Variants in NCAPG2 observed in about 807,000 individuals in gnomAD.
NCAPG2 encodes the protein non-SMC condensin II complex subunit G2, also known as condensin-2 complex subunit G2.
In NCAPG2, 53 loss-of-function variants were observed where a neutral mutation model predicts 141.1. The observed-to-expected ratio is 0.38, with a 90% CI of 0.30 to 0.47. The LOEUF is 0.47. Ranked by LOEUF, NCAPG2 falls within the 20% of genes least tolerant of loss-of-function variation. The probability of loss-of-function intolerance (pLI) is 0.99; values close to 1 mark genes in which losing one functional copy is unlikely to be tolerated. For missense variants in NCAPG2, 1,087 were observed against 1,389.0 expected, an observed-to-expected ratio of 0.78 and a Z score of 3.46; for synonymous variants, 499 against 490.7, an observed-to-expected ratio of 1.02 and a Z score of -0.22.
At chr7:158,641,190 C>T in intron 27 of NCAPG2, 1 of 273,008 alleles carries the variant, frequency 3.7e-6, no homozygotes, top group Non-Finnish European at 6.7e-6. Context: ...TCAGTTAAAA[C>T]CACAAAAGAC....
intron 23 of NCAPG2, 104 bp from the exon 24 acceptor site, chr7:158,651,076 C>T: frequency 8.3e-7 from 1 of 1,211,810 alleles, no homozygotes; most frequent in Non-Finnish European, 1.1e-6. Flanking sequence ...TCCCCCAGGA[C>T]TCAAGGAGTC....
chr7:158,672,384 C>T (rs1215307807), intron 12 of NCAPG2, among the ~76,000 whole-genome samples: 7 of 117,792 alleles, frequency 5.9e-5, no homozygotes, highest in African/African-American at 2.3e-4. Flanking sequence ...ACTCCGTTGC[C>T]CAGGCTGGAG....
intron 2 of NCAPG2, among the ~76,000 whole-genome samples, chr7:158,694,643 G>A (rs1296463269): frequency 1.3e-5 from 2 of 152,152 alleles, no homozygotes; most frequent in African/African-American, 4.8e-5. Context: ...AGAGCCACTT[G>A]CACTCTTCAA....
intron 11 of NCAPG2, among the ~76,000 whole-genome samples, chr7:158,676,370 G>A (rs1834050236): frequency 6.6e-6 from 1 of 152,188 alleles, no homozygotes; most frequent in Non-Finnish European, 1.5e-5. Context: ...ATTATGGCAA[G>A]AGAGCTCGTG....
rs192376955 is a variant in NCAPG2, at chr7:158,688,373, T to C, written c.673-931A>G. 4.6e-5 allele frequency among the ~76,000 whole-genome samples: 7 copies of C among 152,274 alleles called. No individual in the cohort carries two copies. In the East Asian group the frequency reaches 5.8e-4, roughly 13 times the overall value. On this transcript the variant is annotated intron_variant, in intron 6 of 27. Coordinates refer to ENST00000356309, the MANE Select transcript of NCAPG2 (RefSeq NM_017760.7). ...AGGTTATAACACATACATACATTTA[T>C]GTCTGTTATATATCTGCACACATAT...
intron 27 of NCAPG2, 33 bp downstream of exon 27, chr7:158,644,256 G>C: frequency 6.5e-7 from 1 of 1,532,548 alleles, no homozygotes; most frequent in Non-Finnish European, 9.0e-7. Flanking sequence ...AGCAGTTTTA[G>C]ATGATCACAT....
At chr7:158,643,876 C>T (rs572691029) in intron 27 of NCAPG2, among the ~76,000 whole-genome samples, 32 of 152,180 alleles carry the variant, frequency 2.1e-4, no homozygotes, top group Non-Finnish European at 4.0e-4. Context: ...ATGGGCTGTC[C>T]AGCAAGGGGG....
Position 158,664,721 on chromosome 7 carries a change from A to C in NCAPG2, c.1509T>G (p.Ile503Met). ...KFWKICPMEH[I>M]LVRLETDSRP... The stretch of plus-strand genomic sequence containing the variant: ...GAGAATCAGTTTCCAGACGAACCAG[A>C]ATGTGCTCCATGGGACATATTTTCC... The change falls in exon 14 of 28, where the codon ATT (isoleucine) becomes ATG (methionine). Residue 503 changes from isoleucine (I) to methionine (M), a missense_variant. Ile to Met is a conservative substitution (Grantham distance 10). Transcript: ENST00000356309. 1.2e-6 allele frequency: 2 copies of C among 1,614,188 alleles called. No homozygotes were observed. Among genetic ancestry groups the C allele is most frequent in the South Asian group, 1.1e-5 (1 of 91,080 alleles).
chr7:158,647,368 G>A (rs1417172275), intron 24 of NCAPG2, among the ~76,000 whole-genome samples: 5 of 152,180 alleles, frequency 3.3e-5, no homozygotes, highest in Non-Finnish European at 5.9e-5. Context: ...AAACAAAAAT[G>A]TTCCTACACA....
At chr7:158,648,547 G>C (rs113801526) in intron 24 of NCAPG2, among the ~76,000 whole-genome samples, 1,848 of 108,608 alleles carry the variant, frequency 0.017, 152 homozygotes, top group East Asian at 0.032. Flanking sequence ...GACAACCACG[G>C]CAAATGGACG....
intron 7 of NCAPG2, 49 bp from the exon 8 acceptor site, chr7:158,686,290 C>A (rs1372573714): frequency 2.7e-6 from 3 of 1,115,246 alleles, no homozygotes; most frequent in Admixed American, 5.0e-5. Context: ...AAGAATTATT[C>A]TTTCAACATG....
Position 158,633,702 on chromosome 7 carries a change from C to G in NCAPG2, c.3381-1985G>C, listed in dbSNP as rs1272326168. Among the ~76,000 whole-genome samples the G allele has an allele frequency of 6.6e-6, 1 of 152,140 alleles. No individual in the cohort carries two copies. The highest frequency in any genetic ancestry group is 1.5e-5 in the Non-Finnish European group (1 of 68,016). On this transcript the variant is annotated intron_variant, in intron 27 of 27. Coordinates refer to ENST00000356309, the MANE Select transcript of NCAPG2 (RefSeq NM_017760.7). The surrounding 1 kb of genome is among the most constrained non-coding windows in gnomAD (Gnocchi z 4.1). ...GGCTCAGCAGCAGTGCAGCCAGAGG[C>G]AAGACAGAGGAGAACAGGCCCAGGA...
intron 16 of NCAPG2, among the ~76,000 whole-genome samples, chr7:158,659,683 A>AAATAAT (rs1428397092): frequency 1.3e-5 from 2 of 152,116 alleles, no homozygotes; most frequent in Non-Finnish European, 2.9e-5. Flanking sequence ...GTGAATCCTA[A>AAATAAT]AATAATGATA....
chr7:158,690,049 T>C (rs1835024573), intron 5 of NCAPG2, 96 bp from the exon 6 acceptor site: 3 of 1,096,930 alleles, frequency 2.7e-6, no homozygotes, highest in South Asian at 6.8e-5. Context: ...ATGGTAATTC[T>C]AGTTGATTCA....
intron 5 of NCAPG2, among the ~76,000 whole-genome samples, chr7:158,690,163 A>C (rs1382581989): frequency 6.6e-6 from 1 of 152,236 alleles, no homozygotes; most frequent in Non-Finnish European, 1.5e-5. Flanking sequence ...AAAATAATTA[A>C]AAATCCAGCA....
chr7:158,657,545 C>T (rs151273996), intron 17 of NCAPG2, among the ~76,000 whole-genome samples: 35 of 152,334 alleles, frequency 2.3e-4, no homozygotes, highest in African/African-American at 6.7e-4. Flanking sequence ...GTCAGCCCCC[C>T]ACCCGGCCAG....
intron 13 of NCAPG2, chr7:158,667,313 GCTACTGTGTCCCT>G (rs1833072537): frequency 2.3e-5 from 2 of 86,076 alleles, no homozygotes; most frequent in Non-Finnish European, 2.8e-5. Flanking sequence ...ACCCTTAGCC[GCTACTGTGTCCCT>G]CCGCTACTGT....
intron 9 of NCAPG2, among the ~76,000 whole-genome samples, chr7:158,682,250 A>G (rs1834493286): frequency 1.3e-5 from 2 of 152,108 alleles, no homozygotes. Context: ...AGTTTAATGC[A>G]ATTCTACTAA....
intron 27 of NCAPG2, among the ~76,000 whole-genome samples, chr7:158,635,973 T>G (rs1197015019): frequency 1.3e-5 from 2 of 152,234 alleles, no homozygotes; most frequent in African/African-American, 4.8e-5. Context: ...TTTGTCAGAT[T>G]GATTTTTTTA....
Sources: allele counts gnomAD v4.1 joint callset (sites outside exome capture counted in the v4.1 genomes callset), GRCh38; gene constraint gnomAD v4.1.1; non-coding constraint Gnocchi (gnomAD v3.1); transcripts MANE v1.5; gene names NCBI Gene and HGNC (gene_info 2026-07-23, HGNC 2026-07-21).